The following ELMOD3 variants were observed in gnomAD, a reference collection of about 807,000 sequenced individuals.
ELMOD3 encodes the protein ELMO domain-containing protein 3.
Under a neutral mutation model 47.4 loss-of-function variants are expected in ELMOD3, and 36 were observed. The observed-to-expected ratio is 0.76, with a 90% CI of 0.58 to 1.00. The LOEUF (loss-of-function observed/expected upper bound fraction) is 1.00. Ranked by LOEUF, ELMOD3 falls within the 50% of genes least tolerant of loss-of-function variation. The pLI is 0.00. For synonymous variants in ELMOD3, 149 were observed against 183.5 expected (o/e 0.81, Z 1.52); for missense variants, 404 against 463.8 (o/e 0.87, Z 1.18).
At chr2:85,358,099 A>G (rs1321961573) in intron 4 of ELMOD3, among the ~76,000 whole-genome samples, 1 of 151,920 alleles carries the variant, frequency 6.6e-6, no homozygotes, top group African/African-American at 2.4e-5. Context: ...GGCTAACATG[A>G]TGAAACCCTG....
chr2:85,362,323 GC>G, intron 5 of ELMOD3, 63 bp downstream of exon 5: 1 of 1,034,210 alleles, frequency 9.7e-7, no homozygotes, highest in Non-Finnish European at 1.5e-6. Context: ...ACTGTGTGGT[GC>G]CAGAACTGTG....
chr2:85,390,585 G>A (rs1465461393), intron 13 of ELMOD3, 175 bp from the exon 14 acceptor site: 11 of 1,540,082 alleles, frequency 7.1e-6, no homozygotes, highest in Admixed American at 2.0e-5. Flanking sequence ...CCCTGTGGCT[G>A]TAGCTGGCTC....
chr2:85,390,545 C>A, intron 13 of ELMOD3: 1 of 1,572,630 alleles, frequency 6.4e-7, no homozygotes, highest in Non-Finnish European at 8.6e-7. Flanking sequence ...TTCAAAGTTG[C>A]AATTGTGCAG....
At chr2:85,368,617 C>T in intron 6 of ELMOD3, 69 bp from the exon 7 acceptor site, 2 of 1,511,632 alleles carry the variant, frequency 1.3e-6, no homozygotes, top group Non-Finnish European at 1.8e-6. Context: ...GCAGACAAGG[C>T]TGGGGTCTGC....
intron 4 of ELMOD3, among the ~76,000 whole-genome samples, chr2:85,361,078 C>G (rs1226627353): frequency 6.6e-6 from 1 of 152,168 alleles, no homozygotes; most frequent in East Asian, 1.9e-4. Context: ...CTCAGCTTCC[C>G]AAAGTGCTGG....
intron 11 of ELMOD3, among the ~76,000 whole-genome samples, chr2:85,387,769 G>C (rs1686042384): frequency 6.6e-6 from 1 of 151,860 alleles, no homozygotes; most frequent in Admixed American, 6.6e-5. Flanking sequence ...AAGACCACCT[G>C]CAGGTTCAAT....
chr2:85,365,416 A>G (rs905180068), intron 6 of ELMOD3, among the ~76,000 whole-genome samples: 3 of 152,016 alleles, frequency 2.0e-5, no homozygotes, highest in South Asian at 2.1e-4. Flanking sequence ...AGCTGACTCA[A>G]TTGGCAGTGC....
chr2:85,369,583 C>T (rs1050463981), intron 7 of ELMOD3, among the ~76,000 whole-genome samples, 156 bp from the exon 8 acceptor site: 5 of 152,208 alleles, frequency 3.3e-5, no homozygotes, highest in African/African-American at 1.2e-4. Flanking sequence ...CCGACAATGC[C>T]AGCCTCTTGA....
chr2:85,383,720 G>T (rs1439877029), intron 11 of ELMOD3, among the ~76,000 whole-genome samples: 1 of 152,186 alleles, frequency 6.6e-6, no homozygotes, highest in Non-Finnish European at 1.5e-5. Context: ...CATAAAGTTA[G>T]CTCATGCTGG....
At chr2:85,362,120 C>A in intron 4 of ELMOD3, 66 bp from the exon 5 acceptor site, 4 of 1,001,788 alleles carry the variant, frequency 4.0e-6, no homozygotes, top group South Asian at 1.3e-5. Flanking sequence ...AAAAGTATGA[C>A]ATTTAAACTA....
intron 12 of ELMOD3, 90 bp from the exon 13 acceptor site, chr2:85,390,048 C>T (rs573529562): frequency 5.2e-5 from 72 of 1,376,578 alleles, no homozygotes; most frequent in Non-Finnish European, 7.5e-5. Context: ...GGGCTGGCTC[C>T]CCTGGGGAAA....
In ELMOD3 at chr2:85,371,461, C is replaced by A. The variant is rs1224254316; in HGVS notation, c.506C>A (p.Pro169Gln). 6.2e-7 allele frequency: 1 copy of A among 1,614,216 alleles called. No individual in the cohort carries two copies. Among genetic ancestry groups the A allele is most frequent in the Admixed American group, 1.7e-5 (1 of 60,028 alleles). The part of the protein sequence containing the change: ...IAQCGLDSQD[P>Q]VHGRVLQTIY... ...GCAGGTGGCCTGGATAGCCAAGACC[C>A]AGTGCATGGCCGAGTCCTCCAGACC... is the stretch of plus-strand genomic sequence containing the variant. Residue 169 changes from proline to glutamine, a missense_variant, in exon 10 of 14, where the codon CCA becomes CAA. Transcript: ENST00000409013.
chr2:85,368,646 C>T (rs1573104799), intron 6 of ELMOD3, 40 bp from the exon 7 acceptor site: 1 of 1,608,252 alleles, frequency 6.2e-7, no homozygotes, highest in South Asian at 1.1e-5. Flanking sequence ...CCCAGACATA[C>T]CTAGATCTCA....
At chr2:85,374,331 T>G (rs182855697) in intron 10 of ELMOD3, among the ~76,000 whole-genome samples, 21 of 152,082 alleles carry the variant, frequency 1.4e-4, no homozygotes, top group Non-Finnish European at 2.9e-5. Flanking sequence ...TGAGAACCTA[T>G]CTCTACAAAA....
intron 6 of ELMOD3, among the ~76,000 whole-genome samples, chr2:85,367,060 C>A (rs933554326): frequency 1.3e-5 from 2 of 152,210 alleles, no homozygotes; most frequent in Non-Finnish European, 2.9e-5. Context: ...TCCTTCTGCT[C>A]TTCTTTTTTT....
intron 11 of ELMOD3, among the ~76,000 whole-genome samples, chr2:85,385,734 C>G (rs998358805): frequency 6.6e-6 from 1 of 151,478 alleles, no homozygotes; most frequent in African/African-American, 2.4e-5. Flanking sequence ...AATGAGGAGG[C>G]ACTGCAGGGC....
intron 11 of ELMOD3, among the ~76,000 whole-genome samples, chr2:85,379,616 G>A (rs565345177): frequency 1.2e-3 from 184 of 152,264 alleles, no homozygotes; most frequent in African/African-American, 4.0e-3. Flanking sequence ...AATGACAGGT[G>A]TACTATAGTT....
intron 4 of ELMOD3, among the ~76,000 whole-genome samples, chr2:85,358,239 A>G (rs1683697140): frequency 6.7e-6 from 1 of 149,186 alleles, no homozygotes; most frequent in East Asian, 2.0e-4. Flanking sequence ...GGATCACACC[A>G]TTGCACTCCA....
At chr2:85,362,326 A>G in intron 5 of ELMOD3, 66 bp downstream of exon 5, 1 of 1,008,684 alleles carries the variant, frequency 9.9e-7, no homozygotes, top group South Asian at 1.3e-5. Flanking sequence ...GTGTGGTGCC[A>G]GAACTGTGGT....
Sources: gnomAD v4.1 joint callset for allele counts (sites outside exome capture counted in the v4.1 genomes callset) on GRCh38, gnomAD v4.1.1 for gene constraint, MANE v1.5 for transcripts, NCBI Gene and HGNC (gene_info 2026-07-23, HGNC 2026-07-21) for gene names.